FCHO2: variants seen among roughly 807,000 people sequenced by gnomAD.
FCHO2 encodes the protein F-BAR domain only protein 2.
A neutral mutation model predicts 114.1 loss-of-function variants in FCHO2; 43 were observed. The ratio of observed to expected loss-of-function variants is 0.38; its 90% CI spans 0.30 to 0.49. The LOEUF is 0.49. FCHO2 is among the 20% of genes least tolerant of loss of function. The pLI, the probability that FCHO2 is intolerant of heterozygous loss-of-function variation, is 0.97. For synonymous variants in FCHO2, 293 were observed against 315.2 expected, an observed-to-expected ratio of 0.93 and a Z score of 0.75; for missense variants, 807 against 950.4, an observed-to-expected ratio of 0.85 and a Z score of 1.98.
intron 1 of FCHO2, among the ~76,000 whole-genome samples, chr5:72,959,352 TA>T (rs1751727295): frequency 6.6e-6 from 1 of 151,734 alleles, no homozygotes; most frequent in Non-Finnish European, 1.5e-5. Context: ...CAAAAAATTT[TA>T]AAAAATTAGC....
At position 73,068,710 on chromosome 5, in the gene FCHO2, G is replaced by A. The variant is rs776579962; in HGVS notation, c.1510G>A (p.Ala504Thr). Residue 504 changes from alanine to threonine, a missense_variant, in exon 19 of 26, where the codon GCC becomes ACC. Ala to Thr is a moderately conservative substitution (Grantham distance 58). Transcript: ENST00000430046. ...CAGCCCACCTCCTGCTGCACCATTA[G>A]CCCGGGCAGAAAGTTCTTCTTCTAT... ...NTSPPPAAPL[A>T]RAESSSSISS... is the part of the protein sequence containing the mutation. 2.5e-6 allele frequency: 4 copies of A among 1,612,194 alleles called. No homozygotes were observed. The highest frequency in any genetic ancestry group is 4.5e-5 in the East Asian group (2 of 44,826).
intron 2 of FCHO2, among the ~76,000 whole-genome samples, chr5:72,971,232 G>A (rs1301132057): frequency 6.6e-6 from 1 of 151,954 alleles, no homozygotes; most frequent in Non-Finnish European, 1.5e-5. Flanking sequence ...GGGATGGCTG[G>A]GTCAAATGGT....
chr5:73,069,436 TAGTC>T (rs554716812), intron 19 of FCHO2, among the ~76,000 whole-genome samples: 3 of 152,096 alleles, frequency 2.0e-5, no homozygotes, highest in Non-Finnish European at 4.4e-5. Context: ...GTCTTGCAAC[TAGTC>T]AGTCCCATCT....
At chr5:73,065,131 G>GA (rs1343353295) in intron 18 of FCHO2, among the ~76,000 whole-genome samples, 1 of 151,864 alleles carries the variant, frequency 6.6e-6, no homozygotes, top group East Asian at 1.9e-4. Context: ...TTTCTTTTCC[G>GA]AATGAACAGA....
At chr5:73,051,081 A>G in intron 11 of FCHO2, 2 of 346,184 alleles carry the variant, frequency 5.8e-6, no homozygotes, top group Non-Finnish European at 1.0e-5. Context: ...TCCCCACCTC[A>G]GTGATTTCTT....
At chr5:73,081,435 A>G (rs537556700) in intron 22 of FCHO2, among the ~76,000 whole-genome samples, 1 of 152,296 alleles carries the variant, frequency 6.6e-6, no homozygotes, top group East Asian at 1.9e-4. Context: ...TCTGTGTTGA[A>G]TGTTGGAAGA....
At chr5:73,035,677 A>AT (rs1554070995) in intron 9 of FCHO2, among the ~76,000 whole-genome samples, 7 of 151,684 alleles carry the variant, frequency 4.6e-5, no homozygotes, top group African/African-American at 7.3e-5. Context: ...TAACTTTTGT[A>AT]TTTTTTTTAG....
At chr5:73,040,871 C>T (rs187220387) in intron 10 of FCHO2, among the ~76,000 whole-genome samples, 18 of 152,046 alleles carry the variant, frequency 1.2e-4, no homozygotes, top group Admixed American at 5.2e-4. Flanking sequence ...TTTTTAAAGT[C>T]AAGCTTTCTT....
At chr5:73,059,157 A>G (rs1442627832) in intron 17 of FCHO2, among the ~76,000 whole-genome samples, 1 of 152,208 alleles carries the variant, frequency 6.6e-6, no homozygotes, top group Non-Finnish European at 1.5e-5. Context: ...CTGCTTGTTC[A>G]AAACAAGAAA....
chr5:72,962,277 T>C (rs1751916496), intron 1 of FCHO2, among the ~76,000 whole-genome samples: 1 of 152,218 alleles, frequency 6.6e-6, no homozygotes, highest in African/African-American at 2.4e-5. Context: ...GATATAAATT[T>C]GATGTCTGCG....
Position 73,044,598 on chromosome 5 carries a change from A to G in FCHO2, c.939+3283A>G, listed in dbSNP as rs151107271. Among the ~76,000 whole-genome samples, 302 of 152,306 alleles carry G rather than the reference A, an allele frequency of 2.0e-3. 3 individuals are homozygous for G. The highest frequency in any genetic ancestry group is 6.7e-3 in the African/African-American group (277 of 41,578). ...TTCTTATTCCTTTCTTTAAAGGTCT[A>G]TGTAATTTAAAAAATTATTTTTAGC... is the stretch of plus-strand genomic sequence containing the variant. On this transcript the variant is annotated intron_variant, in intron 11 of 25. Transcript: ENST00000430046.
intron 8 of FCHO2, among the ~76,000 whole-genome samples, chr5:73,031,348 A>G (rs1756233331): frequency 6.6e-6 from 1 of 152,232 alleles, no homozygotes; most frequent in South Asian, 2.1e-4. Context: ...GATTAGAAGC[A>G]GAAATATGCT....
chr5:73,012,208 A>G (rs551756119), intron 6 of FCHO2, among the ~76,000 whole-genome samples: 1 of 152,334 alleles, frequency 6.6e-6, no homozygotes, highest in Admixed American at 6.5e-5. Flanking sequence ...TATGGCAGCT[A>G]TGATGTCACT....
At chr5:73,023,576 T>C (rs1755746910) in intron 8 of FCHO2, among the ~76,000 whole-genome samples, 1 of 152,190 alleles carries the variant, frequency 6.6e-6, no homozygotes, top group South Asian at 2.1e-4. Flanking sequence ...GATGTGTACC[T>C]GTAATCCCAG....
intron 5 of FCHO2, among the ~76,000 whole-genome samples, chr5:73,005,129 A>G (rs957111048): frequency 4.6e-5 from 7 of 152,206 alleles, no homozygotes; most frequent in Non-Finnish European, 8.8e-5. Context: ...CATAACATAT[A>G]TACTTAATAT....
chr5:72,965,521 A>G (rs1752155501), intron 1 of FCHO2, among the ~76,000 whole-genome samples: 1 of 152,236 alleles, frequency 6.6e-6, no homozygotes, highest in South Asian at 2.1e-4. Flanking sequence ...AGTGCAGTAA[A>G]GCAATGCTCA....
At chr5:72,968,426 T>A in intron 1 of FCHO2, 72 bp from the exon 2 acceptor site, 1 of 1,055,482 alleles carries the variant, frequency 9.5e-7, no homozygotes, top group Non-Finnish European at 1.3e-6. Flanking sequence ...TATTAGTTAA[T>A]GTTGGCTTTT....
At chr5:72,988,211 G>A (rs1460633692) in intron 2 of FCHO2, among the ~76,000 whole-genome samples, 1 of 152,150 alleles carries the variant, frequency 6.6e-6, no homozygotes, top group East Asian at 1.9e-4. Flanking sequence ...AGGCTGAGTG[G>A]GGCGGATCAC....
intron 2 of FCHO2, among the ~76,000 whole-genome samples, chr5:72,986,648 A>T (rs1171716368): frequency 6.6e-6 from 1 of 152,176 alleles, no homozygotes; most frequent in Non-Finnish European, 1.5e-5. Context: ...CAATAATCTT[A>T]TTCACTATTA....
Sources: gnomAD v4.1 joint callset for allele counts (sites outside exome capture counted in the v4.1 genomes callset) on GRCh38, gnomAD v4.1.1 for gene constraint, MANE v1.5 for transcripts, NCBI Gene and HGNC (gene_info 2026-07-23, HGNC 2026-07-21) for gene names.